The following ARB2A variants were observed in gnomAD, a reference collection of about 807,000 sequenced individuals.
ARB2A encodes ARB2 cotranscriptional regulator A.
At chr5:93,697,262 T>C in the ARB2A span, among the ~76,000 whole-genome samples, 1 of 152,072 alleles carries the variant, frequency 6.6e-6, no homozygotes, top group Non-Finnish European at 1.5e-5. Flanking sequence ...TTCTCTTCCC[T>C]TTGGGTTTTG....
At chr5:93,947,915 A>G in the ARB2A span, among the ~76,000 whole-genome samples, 1 of 151,836 alleles carries the variant, frequency 6.6e-6, no homozygotes, top group East Asian at 1.9e-4. Flanking sequence ...CCAGTCTATC[A>G]TTGTCGGACA....
chr5:93,809,030 T>C, the ARB2A span, among the ~76,000 whole-genome samples: 9 of 152,036 alleles, frequency 5.9e-5, no homozygotes, highest in Non-Finnish European at 1.2e-4. Flanking sequence ...TAGCTGTAGA[T>C]GTACTTTCAA....
At chr5:93,954,612 G>A in the ARB2A span, among the ~76,000 whole-genome samples, 1 of 151,920 alleles carries the variant, frequency 6.6e-6, no homozygotes, top group South Asian at 2.1e-4. Context: ...GGTGGCACAA[G>A]GACTCTCCTA....
At chr5:94,068,621 T>C in the ARB2A span, among the ~76,000 whole-genome samples, 1 of 152,188 alleles carries the variant, frequency 6.6e-6, no homozygotes, top group African/African-American at 2.4e-5. Context: ...ACTATTTCTT[T>C]ACCTCCTGCC....
chr5:93,766,566 T>C, the ARB2A span, among the ~76,000 whole-genome samples: 5 of 152,066 alleles, frequency 3.3e-5, no homozygotes, highest in African/African-American at 9.7e-5. Flanking sequence ...TGTGGAGAAA[T>C]AGGAACACTT....
At chr5:93,859,050 G>A in the ARB2A span, among the ~76,000 whole-genome samples, 1 of 152,056 alleles carries the variant, frequency 6.6e-6, no homozygotes, top group Non-Finnish European at 1.5e-5. Flanking sequence ...GGCACATGTA[G>A]ATAGACATTT....
the ARB2A span, chr5:93,743,663 TTTC>T: frequency 1.8e-6 from 1 of 564,306 alleles, no homozygotes; most frequent in Non-Finnish European, 2.2e-6. Context: ...AAACAGCCAT[TTTC>T]TTTTTTTTTT....
At chr5:93,629,684 C>A in the ARB2A span, among the ~76,000 whole-genome samples, 3 of 151,834 alleles carry the variant, frequency 2.0e-5, no homozygotes, top group Admixed American at 6.6e-5. Context: ...CTGCCCCCCA[C>A]AAAATAATAC....
At chr5:93,881,710 T>C in the ARB2A span, 1 of 1,431,922 alleles carries the variant, frequency 7.0e-7, no homozygotes, top group Non-Finnish European at 9.3e-7. Context: ...TGAAAGAAGG[T>C]AGCATAATTT....
At chr5:93,986,601 G>A in the ARB2A span, among the ~76,000 whole-genome samples, 1 of 152,216 alleles carries the variant, frequency 6.6e-6, no homozygotes, top group Non-Finnish European at 1.5e-5. Context: ...GGGGAGAGGA[G>A]AGATCAGAGT....
chr5:94,026,793 T>C, the ARB2A span, among the ~76,000 whole-genome samples: 2,079 of 152,288 alleles, frequency 0.014, 50 homozygotes, highest in African/African-American at 0.047. Context: ...GGCTTGAAGG[T>C]TGGACCCGCC....
At chr5:94,013,173 GT>G in the ARB2A span, among the ~76,000 whole-genome samples, 11,425 of 112,490 alleles carry the variant, frequency 0.1, 370 homozygotes, top group Middle Eastern at 0.14. Flanking sequence ...TCAGTAAGTT[GT>G]TTTTTTTTTT....
At chr5:93,764,924 A>C in the ARB2A span, among the ~76,000 whole-genome samples, 1 of 152,224 alleles carries the variant, frequency 6.6e-6, no homozygotes, top group Non-Finnish European at 1.5e-5. Context: ...CAGCACATAC[A>C]CAGAACCAAC....
At chr5:93,767,497 C>T in the ARB2A span, among the ~76,000 whole-genome samples, 1 of 151,994 alleles carries the variant, frequency 6.6e-6, no homozygotes, top group Non-Finnish European at 1.5e-5. Context: ...GTAGAACTAC[C>T]ATTTGATCCA....
chr5:94,000,765 G>C, the ARB2A span, among the ~76,000 whole-genome samples: 1 of 151,986 alleles, frequency 6.6e-6, no homozygotes, highest in Non-Finnish European at 1.5e-5. Flanking sequence ...TTATCTTCTA[G>C]AAGTTTTGTA....
the ARB2A span, among the ~76,000 whole-genome samples, chr5:93,626,101 A>C: frequency 1.3e-5 from 2 of 152,212 alleles, no homozygotes; most frequent in Non-Finnish European, 2.9e-5. Context: ...GATGTATATT[A>C]TTTTGAAGCT....
At chr5:93,952,700 T>C in the ARB2A span, among the ~76,000 whole-genome samples, 9 of 152,326 alleles carry the variant, frequency 5.9e-5, no homozygotes, top group East Asian at 3.9e-4. Context: ...GTTATAGATA[T>C]TGATATCTCT....
At chr5:93,649,811 A>G in the ARB2A span, among the ~76,000 whole-genome samples, 1 of 152,216 alleles carries the variant, frequency 6.6e-6, no homozygotes, top group African/African-American at 2.4e-5. Flanking sequence ...TTCCTTAGGA[A>G]TAAAGATAAT....
At chr5:93,742,366 C>T in the ARB2A span, among the ~76,000 whole-genome samples, 1 of 152,164 alleles carries the variant, frequency 6.6e-6, no homozygotes, top group African/African-American at 2.4e-5. Flanking sequence ...GACCCACTGT[C>T]CCCCACTGAG....
Sources: gnomAD v4.1 joint callset for allele counts (sites outside exome capture counted in the v4.1 genomes callset) on GRCh38, gnomAD v4.1.1 for gene constraint, MANE v1.5 for transcripts, NCBI Gene and HGNC (gene_info 2026-07-23, HGNC 2026-07-21) for gene names.